WRAP73: variants seen among roughly 807,000 people sequenced by gnomAD.
WRAP73 encodes the protein WD repeat-containing protein WRAP73.
Under a neutral mutation model 59.6 loss-of-function variants are expected in WRAP73, and 55 were observed. The ratio of observed to expected loss-of-function variants is 0.92; its 90% CI spans 0.74 to 1.15. The LOEUF is 1.15. WRAP73 is among the 50% of genes most tolerant of loss of function. The pLI is 0.00. For synonymous variants in WRAP73, 265 were observed against 258.2 expected, an observed-to-expected ratio of 1.03 and a Z score of -0.25; for missense variants, 592 against 608.1, an observed-to-expected ratio of 0.97 and a Z score of 0.28.
At chr1:3,648,179 C>T (rs1188029377) in intron 1 of WRAP73, among the ~76,000 whole-genome samples, 1 of 152,218 alleles carries the variant, frequency 6.6e-6, no homozygotes, top group East Asian at 1.9e-4. Context: ...AGTGTTAGTA[C>T]TATTTTCTTA....
chr1:3,635,593 G>A, intron 6 of WRAP73: 1 of 494,284 alleles, frequency 2.0e-6, no homozygotes, highest in Non-Finnish European at 3.6e-6. Flanking sequence ...GGCCGAAGCT[G>A]GCAGATCACT....
intron 8 of WRAP73, 73 bp downstream of exon 8, chr1:3,634,924 C>G: frequency 9.1e-6 from 14 of 1,539,908 alleles, no homozygotes; most frequent in Non-Finnish European, 1.3e-5. Context: ...ATCAAGAAAG[C>G]AAAGTGAAGG....
chr1:3,637,716 C>A (rs1180957209), intron 4 of WRAP73, among the ~76,000 whole-genome samples: 2 of 152,126 alleles, frequency 1.3e-5, no homozygotes, highest in Non-Finnish European at 2.9e-5. Flanking sequence ...TGCCTGTAGT[C>A]CCAGCTACTC....
intron 4 of WRAP73, among the ~76,000 whole-genome samples, chr1:3,638,145 G>A (rs943855639): frequency 3.3e-5 from 5 of 152,220 alleles, no homozygotes; most frequent in African/African-American, 7.2e-5. Flanking sequence ...GTTTCATTCC[G>A]CAAAAAGACA....
rs1196840554 is a variant in WRAP73 at position 3,633,427 on chromosome 1, G to A, written c.893C>T (p.Ala298Val). The change falls in exon 9 of 12, where the codon GCC (alanine) becomes GTC (valine). Residue 298 changes from alanine (A) to valine (V), a missense_variant. By Grantham distance (64) the Ala-to-Val change is moderately conservative. Coordinates refer to ENST00000270708, the MANE Select transcript of WRAP73 (RefSeq NM_017818.4). ...ACTCTCTGAGCTCGGGAGAGGGCCG[G>A]CCCCGGCCCGGGGCGGCGGGAAGGA... ...CLSFPPPRAG[A>V]GPLPSSESKY... is the part of the protein sequence containing the mutation. The A allele has an allele frequency of 1.9e-6, 3 of 1,612,296 alleles. No individual in the cohort carries two copies. Among genetic ancestry groups the A allele is most frequent in the African/African-American group, 2.7e-5 (2 of 74,908 alleles).
chr1:3,649,820 AC>A, intron 1 of WRAP73, 110 bp downstream of exon 1: 4 of 1,189,280 alleles, frequency 3.4e-6, no homozygotes, highest in Non-Finnish European at 2.3e-6. Context: ...CGGGCACCGC[AC>A]CTGCAGGATC....
At chr1:3,637,286 C>A (rs185227900) in intron 4 of WRAP73, among the ~76,000 whole-genome samples, 188 bp from the exon 5 acceptor site, 2 of 152,214 alleles carry the variant, frequency 1.3e-5, no homozygotes, top group Non-Finnish European at 1.5e-5. Flanking sequence ...ACCCAAGGCA[C>A]GGTGCCTTCA....
intron 3 of WRAP73, among the ~76,000 whole-genome samples, chr1:3,645,566 A>T (rs1429967274): frequency 6.6e-6 from 1 of 152,076 alleles, no homozygotes; most frequent in East Asian, 1.9e-4. Context: ...ACCGAGGTGC[A>T]GCCAGCAGCC....
intron 4 of WRAP73, among the ~76,000 whole-genome samples, chr1:3,637,757 C>G (rs774762075): frequency 6.6e-6 from 1 of 152,054 alleles, no homozygotes; most frequent in African/African-American, 2.4e-5. Context: ...TCACTTAAGC[C>G]CAGGAGGTCG....
rs79788433 is a variant in WRAP73, at chr1:3,648,100, A to G, written c.70-540T>C. Among the ~76,000 whole-genome samples, 570 of 152,364 alleles carry G rather than the reference A, an allele frequency of 3.7e-3. 4 individuals carry two copies. The highest frequency in any genetic ancestry group is 0.013 in the African/African-American group (543 of 41,582). On this transcript the variant is annotated intron_variant, in intron 1 of 11. Coordinates refer to ENST00000270708, the MANE Select transcript of WRAP73 (RefSeq NM_017818.4). ...AAGACAGGCTTTCACTTCTGCACACATAAAGATGCTTCGCAAATGCTCATT... is the reference window on the plus strand; with the variant it reads ...AAGACAGGCTTTCACTTCTGCACACGTAAAGATGCTTCGCAAATGCTCATT...
chr1:3,633,658 G>T (rs1020791379), intron 8 of WRAP73, 155 bp from the exon 9 acceptor site: 5 of 614,116 alleles, frequency 8.1e-6, no homozygotes, highest in Middle Eastern at 4.5e-4. Context: ...CACGAACCCC[G>T]CAGTCCCGAG....
intron 10 of WRAP73, 91 bp from the exon 11 acceptor site, chr1:3,631,748 A>AGGGGAGGGGAAGAACCGGT: frequency 1.4e-6 from 2 of 1,469,068 alleles, no homozygotes; most frequent in Non-Finnish European, 1.8e-6. Flanking sequence ...ACACCACAGG[A>AGGGGAGGGGAAGAACCGGT]GGGGAGGGGA....
rs1205881300 is a variant in WRAP73, at chr1:3,649,204, T to C, written c.69+727A>G. ...TAGGCATCCAGGTACATACACTATA[T>C]GTTTTGAAGCTTAAAGTTATAGCTC... On this transcript the variant is annotated intron_variant, in intron 1 of 11. Transcript: ENST00000270708. Among the ~76,000 whole-genome samples, 5 of 152,364 alleles carry C rather than the reference T, an allele frequency of 3.3e-5. No homozygotes were observed. In the East Asian group the frequency reaches 5.8e-4, roughly 18 times the overall value.
intron 11 of WRAP73, 110 bp from the exon 12 acceptor site, chr1:3,631,227 G>T: frequency 6.6e-7 from 1 of 1,526,540 alleles, no homozygotes; most frequent in South Asian, 1.3e-5. Context: ...GACCCACATA[G>T]GCAGAGCCAG....
At chr1:3,633,598 G>T in intron 8 of WRAP73, 95 bp from the exon 9 acceptor site, 1 of 955,808 alleles carries the variant, frequency 1.0e-6, no homozygotes, top group South Asian at 1.7e-5. Flanking sequence ...ATGGTCAACA[G>T]GTGTGCCTGC....
chr1:3,638,891 A>G (rs1644612892), intron 3 of WRAP73, 69 bp from the exon 4 acceptor site: 1 of 1,579,286 alleles, frequency 6.3e-7, no homozygotes, highest in African/African-American at 1.3e-5. Context: ...CTCAATCCTC[A>G]ACCCGCCCAC....
chr1:3,633,497 A>T lies in WRAP73; in HGVS notation c.823T>A (p.Tyr275Asn). ...AAINDPKIVV[Y>N]KEAEKSPQLG... The stretch of plus-strand genomic sequence containing the variant: ...TGTGGGCTCTTCTCGGCCTCCTTAT[A>T]CACCACCTGAAAGACACAAGGTGGC... The change falls in exon 9 of 12, where the codon TAT (tyrosine) becomes AAT (asparagine). Residue 275 changes from tyrosine to asparagine, a missense_variant. Coordinates refer to ENST00000270708, the MANE Select transcript of WRAP73 (RefSeq NM_017818.4). 1 of 1,598,366 alleles carries T rather than the reference A, an allele frequency of 6.3e-7. No homozygotes were observed. The highest frequency in any genetic ancestry group is 8.5e-7 in the Non-Finnish European group (1 of 1,175,108).
intron 10 of WRAP73, 136 bp downstream of exon 10, chr1:3,632,077 C>T: frequency 6.7e-7 from 1 of 1,498,194 alleles, no homozygotes; most frequent in South Asian, 1.4e-5. Flanking sequence ...CTGTGAGCAC[C>T]TCGGCTACTG....
chr1:3,633,036 G>A (rs565046726), intron 9 of WRAP73: 7 of 274,854 alleles, frequency 2.5e-5, no homozygotes, highest in South Asian at 6.9e-5. Context: ...GCCTCAAGCC[G>A]GAGACAGCGC....
Sources: gnomAD v4.1 joint callset for allele counts (sites outside exome capture counted in the v4.1 genomes callset) on GRCh38, gnomAD v4.1.1 for gene constraint, MANE v1.5 for transcripts, NCBI Gene and HGNC (gene_info 2026-07-23, HGNC 2026-07-21) for gene names.